Variants in NOL4 observed in about 807,000 individuals in gnomAD.
The protein encoded by NOL4 is nucleolar protein 4.
Under a neutral mutation model 75.9 loss-of-function variants are expected in NOL4, and 17 were observed. The ratio of observed to expected loss-of-function variants is 0.22; its 90% CI spans 0.15 to 0.34. The LOEUF is 0.34. NOL4 is among the 10% of genes least tolerant of loss of function. The pLI is 1.00. For synonymous variants in NOL4, 292 were observed against 289.9 expected, an observed-to-expected ratio of 1.01 and a Z score of -0.07; for missense variants, 614 against 793.5, an observed-to-expected ratio of 0.77 and a Z score of 2.72.
chr18:33,859,991 T>C (rs142288848), intron 10 of NOL4, among the ~76,000 whole-genome samples: 2,164 of 152,158 alleles, frequency 0.014, 51 homozygotes, highest in African/African-American at 0.049. Flanking sequence ...TTTAATTGAC[T>C]CACAGTTATG....
At chr18:34,134,636 A>G (rs2080816686) in intron 1 of NOL4, among the ~76,000 whole-genome samples, 1 of 152,098 alleles carries the variant, frequency 6.6e-6, no homozygotes, top group African/African-American at 2.4e-5. Context: ...AATACTTAAA[A>G]TTTAAAAAAA....
chr18:34,132,709 C>T (rs1404707168), intron 1 of NOL4, among the ~76,000 whole-genome samples: 12 of 147,752 alleles, frequency 8.1e-5, no homozygotes, highest in Admixed American at 3.4e-4. Context: ...GAGCTTAGAG[C>T]TCAACAAACC....
chr18:33,999,255 C>T (rs1018829951), intron 6 of NOL4, among the ~76,000 whole-genome samples: 3 of 151,396 alleles, frequency 2.0e-5, no homozygotes, highest in Non-Finnish European at 4.4e-5. Flanking sequence ...TTAATCAATC[C>T]TCCCACCTCT....
At chr18:33,882,736 G>A (rs1398446142) in intron 10 of NOL4, among the ~76,000 whole-genome samples, 1 of 151,950 alleles carries the variant, frequency 6.6e-6, no homozygotes, top group African/African-American at 2.4e-5. Flanking sequence ...AAATCATGCT[G>A]CTATAAAGAC....
chr18:34,222,906 C>A, intron 1 of NOL4, 84 bp downstream of exon 1: 5 of 1,537,856 alleles, frequency 3.3e-6, no homozygotes, highest in Non-Finnish European at 4.4e-6. Flanking sequence ...GCTCACGGCT[C>A]CCCCTCTCTC....
At chr18:34,206,183 C>G (rs896951241) in intron 1 of NOL4, among the ~76,000 whole-genome samples, 32 of 151,982 alleles carry the variant, frequency 2.1e-4, no homozygotes, top group Admixed American at 7.2e-4. Context: ...TAGTTTAAAC[C>G]CTTTCTGGTC....
chr18:33,910,760 G>T (rs1429412658), intron 9 of NOL4, among the ~76,000 whole-genome samples: 1 of 152,056 alleles, frequency 6.6e-6, no homozygotes, highest in African/African-American at 2.4e-5. Context: ...AACTCATTTT[G>T]GGGGTTTTGG....
intron 2 of NOL4, among the ~76,000 whole-genome samples, chr18:34,125,802 G>A (rs1222413147): frequency 3.3e-5 from 5 of 151,946 alleles, no homozygotes; most frequent in African/African-American, 1.2e-4. Context: ...TTTGAAATTA[G>A]TTTAACAGAT....
At chr18:34,123,531 CCATA>C (rs1312928878) in intron 2 of NOL4, among the ~76,000 whole-genome samples, 40 of 58,478 alleles carry the variant, frequency 6.8e-4, no homozygotes, top group African/African-American at 3.3e-3. Flanking sequence ...TATGTGATAA[CCATA>C]TATATATATA....
intron 7 of NOL4, among the ~76,000 whole-genome samples, chr18:33,957,755 G>T (rs1015865690): frequency 3.3e-5 from 5 of 152,082 alleles, no homozygotes; most frequent in African/African-American, 1.2e-4. Context: ...ATACAGAAAA[G>T]AATAGACTAT....
chr18:34,019,179 A>G, intron 6 of NOL4, 139 bp downstream of exon 6: 3 of 684,268 alleles, frequency 4.4e-6, no homozygotes, highest in Non-Finnish European at 7.2e-6. Context: ...ATGCTTGGTG[A>G]TAAGTTTCTT....
intron 9 of NOL4, among the ~76,000 whole-genome samples, chr18:33,925,844 G>A (rs893545435): frequency 1.1e-4 from 16 of 152,244 alleles, no homozygotes; most frequent in Admixed American, 9.2e-4. Flanking sequence ...ATGCTGAAAG[G>A]AGAATTAACT....
chr18:34,004,136 G>GA (rs959494805), intron 6 of NOL4, among the ~76,000 whole-genome samples: 26 of 151,992 alleles, frequency 1.7e-4, no homozygotes, highest in Non-Finnish European at 8.8e-5. Flanking sequence ...CTGCCCATCA[G>GA]AAAATCTTTG....
At chr18:34,066,438 A>G in intron 5 of NOL4, among the ~76,000 whole-genome samples, 1 of 151,946 alleles carries the variant, frequency 6.6e-6, no homozygotes. Context: ...TTACTACAAT[A>G]TAGCCTTAAA....
chr18:34,048,620 G>A lies in NOL4; in HGVS notation c.773-29019C>T. 1.5e-5 allele frequency: 15 copies of A among 985,310 alleles called. No homozygotes were observed. In the South Asian group the frequency reaches 7.1e-4, roughly 46 times the overall value. The allele number at this position is 985,310 out of a possible 1,614,324, so 61.0% of individuals were successfully genotyped here. On this transcript the variant is annotated intron_variant, in intron 5 of 10. Coordinates refer to ENST00000261592, the MANE Select transcript of NOL4 (RefSeq NM_003787.5). Reference sequence around the variant, plus strand: ...AGCTAATCTTTCCTGTATGAAGCAGGAGATGGTGTTGCTATGACAACGGAG... The same window carrying A: ...AGCTAATCTTTCCTGTATGAAGCAGAAGATGGTGTTGCTATGACAACGGAG...
rs917248263 is a variant in NOL4 at position 33,851,377 on chromosome 18, C to A, written c.*1465G>T. On this transcript the variant is annotated 3_prime_UTR_variant, in exon 11 of 11. Coordinates refer to ENST00000261592, the MANE Select transcript of NOL4 (RefSeq NM_003787.5). ...CTAGAAGAAAAAAGCATAGCAATGT[C>A]CACAGTTACAAGAAAAAGTGCACAT... The A allele has an allele frequency of 6.6e-6, 1 of 152,192 alleles. No homozygotes were observed. Among genetic ancestry groups the A allele is most frequent in the Non-Finnish European group, 1.5e-5 (1 of 67,956 alleles). 9.4% of individuals were successfully genotyped at this position (152,192 alleles called of 1,614,324 possible). A position where few individuals can be genotyped will look rare whatever the true frequency, so the allele number is the denominator to read the frequency against.
At chr18:33,979,063 C>A (rs900476386) in intron 6 of NOL4, among the ~76,000 whole-genome samples, 1 of 151,950 alleles carries the variant, frequency 6.6e-6, no homozygotes, top group African/African-American at 2.4e-5. Flanking sequence ...GACTATTTTA[C>A]TTTGACATTT....
chr18:33,856,308 G>T (rs1267838085), intron 10 of NOL4, among the ~76,000 whole-genome samples: 1 of 152,042 alleles, frequency 6.6e-6, no homozygotes, highest in African/African-American at 2.4e-5. Context: ...AACCACGATG[G>T]TTTAATGTGA....
At chr18:33,879,258 C>T (rs1485964355) in intron 10 of NOL4, among the ~76,000 whole-genome samples, 1 of 152,086 alleles carries the variant, frequency 6.6e-6, no homozygotes, top group East Asian at 1.9e-4. Flanking sequence ...GCCACATCTA[C>T]ATAAACTTTT....
Sources: allele counts gnomAD v4.1 joint callset (sites outside exome capture counted in the v4.1 genomes callset), GRCh38; gene constraint gnomAD v4.1.1; transcripts MANE v1.5; gene names NCBI Gene and HGNC (gene_info 2026-07-23, HGNC 2026-07-21).